SEM1: variants seen among roughly 807,000 people sequenced by gnomAD.
SEM1 encodes the protein SEM1 26S proteasome subunit, also known as 26S proteasome complex subunit SEM1.
Under a neutral mutation model 12.7 loss-of-function variants are expected in SEM1, and 3 were observed. That is an observed-to-expected ratio of 0.24 (90% CI 0.11 to 0.61). The LOEUF (loss-of-function observed/expected upper bound fraction) is 0.61, where lower values mean the gene tolerates loss of function less well. Among genes scored for constraint, SEM1 ranks in the 20% least tolerant of loss-of-function variants. The probability of loss-of-function intolerance (pLI) is 0.88; values close to 1 mark genes in which losing one functional copy is unlikely to be tolerated. For synonymous variants in SEM1, 30 were observed against 27.8 expected (o/e 1.08, Z -0.25); for missense variants, 59 against 81.3 (o/e 0.73, Z 1.06).
At chr7:96,648,135 C>T (rs1361943984) in intron 2 of SEM1, among the ~76,000 whole-genome samples, 1 of 152,098 alleles carries the variant, frequency 6.6e-6, no homozygotes, top group Non-Finnish European at 1.5e-5. Context: ...CTAAAGGGGC[C>T]TATTTAAGGG....
intron 2 of SEM1, among the ~76,000 whole-genome samples, chr7:96,573,876 C>T (rs529367420): frequency 1.8e-4 from 27 of 152,162 alleles, no homozygotes; most frequent in African/African-American, 6.3e-4. Flanking sequence ...TTCTCCCCGT[C>T]ACTTTCAAGT....
At chr7:96,642,862 G>A (rs1808658053) in intron 2 of SEM1, among the ~76,000 whole-genome samples, 1 of 151,800 alleles carries the variant, frequency 6.6e-6, no homozygotes, top group South Asian at 2.1e-4. Flanking sequence ...TCCTCAGCAT[G>A]ACTACTTCTT....
intron 2 of SEM1, among the ~76,000 whole-genome samples, chr7:96,572,135 CT>C (rs1215440063): frequency 6.6e-6 from 1 of 152,020 alleles, no homozygotes; most frequent in Non-Finnish European, 1.5e-5. Flanking sequence ...GTGATATCCT[CT>C]TCATCATTTT....
At chr7:96,620,443 A>G (rs1584810546), downstream of SEM1, among the ~76,000 whole-genome samples, 1 of 152,076 alleles carries the variant, frequency 6.6e-6, no homozygotes, top group East Asian at 1.9e-4. Flanking sequence ...CTTGGCTTGG[A>G]GGCATGTGGG....
At chr7:96,493,211 C>T (rs1272713255) in intron 1 of SEM1, among the ~76,000 whole-genome samples, 1 of 152,174 alleles carries the variant, frequency 6.6e-6, no homozygotes, top group Non-Finnish European at 1.5e-5. Flanking sequence ...GTAATCTGCC[C>T]ACCTTGGCCT....
At chr7:96,695,084 T>G in intron 1 of SEM1, 193 bp from the exon 2 acceptor site, 1 of 391,260 alleles carries the variant, frequency 2.6e-6, no homozygotes, top group Admixed American at 4.3e-5. Flanking sequence ...GCAGATAACC[T>G]AAAACAGAAG....
intron 2 of SEM1, among the ~76,000 whole-genome samples, chr7:96,655,248 A>G (rs1289664150): frequency 1.3e-5 from 2 of 152,204 alleles, no homozygotes; most frequent in East Asian, 3.8e-4. Flanking sequence ...TGAAGGAAGC[A>G]GAAGTTAGAG....
Position 96,643,305 on chromosome 7 carries a change from G to A in SEM1, c.171-20662C>T, listed in dbSNP as rs560408869. Among the ~76,000 whole-genome samples, 259 of 152,024 alleles carry A rather than the reference G, an allele frequency of 1.7e-3. 1 individual carries two copies. The highest frequency in any genetic ancestry group is 2.8e-3 in the Non-Finnish European group (190 of 67,958). On this transcript the variant is annotated intron_variant, in intron 2 of 2. Transcript: ENST00000417009. ...TCTCATTCTTTTGTATGGCTGCATG[G>A]TATTCCATGGTGTATACGTACCATA...
intron 2 of SEM1, among the ~76,000 whole-genome samples, chr7:96,595,330 T>C (rs1340448283): frequency 1.3e-5 from 2 of 151,994 alleles, no homozygotes; most frequent in Non-Finnish European, 2.9e-5. Context: ...GTGGGCAACA[T>C]GGCAAAACCC....
intron 2 of SEM1, among the ~76,000 whole-genome samples, chr7:96,539,516 A>G (rs1230346964): frequency 6.6e-6 from 1 of 151,850 alleles, no homozygotes; most frequent in Non-Finnish European, 1.5e-5. Flanking sequence ...TATAATGGTA[A>G]GCTAAAAACA....
At chr7:96,607,746 G>A (rs1016260729) in intron 2 of SEM1, among the ~76,000 whole-genome samples, 2 of 152,226 alleles carry the variant, frequency 1.3e-5, no homozygotes, top group Admixed American at 6.5e-5. Flanking sequence ...TGTAGAACCT[G>A]CCTTGGGAGG....
At chr7:96,488,566 G>A (rs1466390585) in intron 1 of SEM1, among the ~76,000 whole-genome samples, 1 of 151,954 alleles carries the variant, frequency 6.6e-6, no homozygotes, top group Non-Finnish European at 1.5e-5. Flanking sequence ...ATGCTGCCAG[G>A]GAAGCCTTTC....
At chr7:96,590,310 C>A (rs1426001179) in intron 2 of SEM1, among the ~76,000 whole-genome samples, 1 of 152,084 alleles carries the variant, frequency 6.6e-6, no homozygotes, top group Non-Finnish European at 1.5e-5. Flanking sequence ...CTTATCCTAA[C>A]AAATAGTTCA....
intron 1 of SEM1, among the ~76,000 whole-genome samples, chr7:96,697,746 A>C (rs79365076): frequency 0.014 from 2,184 of 152,284 alleles, 55 homozygotes; most frequent in African/African-American, 0.05. Flanking sequence ...TGTAAAAGAG[A>C]AGAGCAATAC....
At chr7:96,682,352 C>A (rs754803839) in intron 2 of SEM1, among the ~76,000 whole-genome samples, 41 of 152,102 alleles carry the variant, frequency 2.7e-4, no homozygotes, top group Non-Finnish European at 5.9e-5. Flanking sequence ...TTGACTTCCT[C>A]TCTTCCTATG....
downstream of SEM1, among the ~76,000 whole-genome samples, chr7:96,619,033 A>G (rs2116272374): frequency 6.6e-6 from 1 of 152,220 alleles, no homozygotes; most frequent in East Asian, 1.9e-4. Context: ...TGGTTTTCAG[A>G]TTTCTTTTTC....
At chr7:96,643,783 C>T (rs1373124814) in intron 2 of SEM1, among the ~76,000 whole-genome samples, 1 of 152,048 alleles carries the variant, frequency 6.6e-6, no homozygotes, top group Non-Finnish European at 1.5e-5. Context: ...GGGAGAGGAA[C>T]ATCACACACC....
At chr7:96,557,443 C>A (rs1805548560) in intron 2 of SEM1, among the ~76,000 whole-genome samples, 2 of 118,030 alleles carry the variant, frequency 1.7e-5, no homozygotes, top group South Asian at 6.6e-4. Context: ...TGTTGGAATA[C>A]CCTGCCGTGT....
intron 2 of SEM1, among the ~76,000 whole-genome samples, chr7:96,628,004 C>A (rs567860355): frequency 3.9e-5 from 6 of 152,184 alleles, no homozygotes; most frequent in South Asian, 4.2e-4. Context: ...AAATTGACCC[C>A]TTTATCATTA....
Sources: allele counts gnomAD v4.1 joint callset (sites outside exome capture counted in the v4.1 genomes callset), GRCh38; gene constraint gnomAD v4.1.1; transcripts MANE v1.5; gene names NCBI Gene and HGNC (gene_info 2026-07-23, HGNC 2026-07-21).